Variants in SH3KBP1 observed in about 807,000 individuals in gnomAD.
The protein encoded by SH3KBP1 is SH3 domain-containing kinase-binding protein 1.
SH3KBP1 carries 8 observed loss-of-function variants against 50.1 expected under a neutral mutation model. The observed-to-expected ratio is 0.16, with a 90% CI of 0.09 to 0.29. SH3KBP1 has a LOEUF of 0.29. Among genes scored for constraint, SH3KBP1 ranks in the 10% least tolerant of loss-of-function variants. The pLI is 1.00. For synonymous variants in SH3KBP1, 227 were observed against 218.6 expected (o/e 1.04, Z -0.34); for missense variants, 377 against 535.2 (o/e 0.70, Z 2.92).
intron 6 of SH3KBP1, among the ~76,000 whole-genome samples, chrX:19,664,403 A>G (rs1439133626): frequency 1.8e-5 from 2 of 111,150 alleles, no homozygotes; most frequent in African/African-American, 3.3e-5. Flanking sequence ...CTGCTGCTCT[A>G]TGGCCCCATA....
chrX:19,755,939 C>T (rs771449664), intron 2 of SH3KBP1, among the ~76,000 whole-genome samples: 5 of 111,655 alleles, frequency 4.5e-5, no homozygotes, highest in Non-Finnish European at 7.5e-5. Context: ...CCCTCTCACG[C>T]AGACCCCCTT....
intron 3 of SH3KBP1, among the ~76,000 whole-genome samples, chrX:19,728,658 G>C (rs1268888929): frequency 8.9e-6 from 1 of 111,969 alleles, no homozygotes; most frequent in African/African-American, 3.2e-5. Context: ...ATGGTACACA[G>C]ACTGGACCCC....
At position 19,638,873 on chromosome X, in the gene SH3KBP1, T is replaced by C. The variant is rs375896789; in HGVS notation, c.802+6527A>G. ...TCCACTGCATGCCAGGCAGCAGGGATGCCACAATGCCCTCGTGGGGCTTAC... is the reference window on the plus strand; with the variant it reads ...TCCACTGCATGCCAGGCAGCAGGGACGCCACAATGCCCTCGTGGGGCTTAC... On this transcript the variant is annotated intron_variant, in intron 7 of 17. Coordinates refer to ENST00000397821, the MANE Select transcript of SH3KBP1 (RefSeq NM_031892.3). Among the ~76,000 whole-genome samples the C allele has an allele frequency of 7.3e-4, 82 of 112,101 alleles. 1 individual carries two copies. The South Asian group carries it at 0.029, about 40-fold the overall frequency.
chrX:19,626,958 T>A (rs973352047), intron 8 of SH3KBP1, among the ~76,000 whole-genome samples: 2 of 111,438 alleles, frequency 1.8e-5, no homozygotes, highest in African/African-American at 6.5e-5. Flanking sequence ...CTTCCCTCCA[T>A]CTCTACGACT....
chrX:19,580,271 TAC>T (rs1265834222), intron 12 of SH3KBP1, among the ~76,000 whole-genome samples: 1 of 111,634 alleles, frequency 9.0e-6, no homozygotes, highest in Non-Finnish European at 1.9e-5. Flanking sequence ...TACATACACA[TAC>T]ACACATATAC....
intron 9 of SH3KBP1, among the ~76,000 whole-genome samples, chrX:19,604,557 C>A (rs769855377): frequency 5.3e-5 from 6 of 112,163 alleles, no homozygotes; most frequent in Admixed American, 9.5e-5. Flanking sequence ...ATGATTGTAA[C>A]CCCAGTCACT....
chrX:19,632,700 A>G (rs1348527398), intron 7 of SH3KBP1, among the ~76,000 whole-genome samples: 1 of 112,966 alleles, frequency 8.9e-6, no homozygotes, highest in East Asian at 2.8e-4. Flanking sequence ...GTCCTGAATT[A>G]CATGCTTTTG....
At chrX:19,668,965 TATATATA>T (rs1569404997) in intron 6 of SH3KBP1, among the ~76,000 whole-genome samples, 11 of 53,684 alleles carry the variant, frequency 2.0e-4, no homozygotes, top group African/African-American at 1.1e-3. Flanking sequence ...TATATATATA[TATATATA>T]TATTTTTTGA....
At chrX:19,874,448 G>T (rs1398075765) in intron 1 of SH3KBP1, among the ~76,000 whole-genome samples, 2 of 19,456 alleles carry the variant, frequency 1.0e-4, no homozygotes, top group Non-Finnish European at 1.7e-4. Context: ...GGGGCAAAGT[G>T]GGGGGGTGTG....
At chrX:19,848,466 T>C (rs2068419433) in intron 1 of SH3KBP1, among the ~76,000 whole-genome samples, 1 of 112,873 alleles carries the variant, frequency 8.9e-6, no homozygotes, top group Non-Finnish European at 1.9e-5. Flanking sequence ...ATTAATTTGA[T>C]GTCTCATATG....
At chrX:19,715,821 T>C (rs1261553710) in intron 3 of SH3KBP1, among the ~76,000 whole-genome samples, 1 of 111,908 alleles carries the variant, frequency 8.9e-6, no homozygotes, top group Admixed American at 9.5e-5. Flanking sequence ...TTGCAGTAAG[T>C]AGTTTCTAGC....
At chrX:19,626,989 G>A (rs73459609) in intron 8 of SH3KBP1, among the ~76,000 whole-genome samples, 159 of 111,747 alleles carry the variant, frequency 1.4e-3, no homozygotes, top group African/African-American at 4.7e-3. Context: ...GACCAATAAC[G>A]TTAGCTTTCT....
intron 2 of SH3KBP1, among the ~76,000 whole-genome samples, chrX:19,819,586 G>A (rs1451585766): frequency 1.8e-5 from 2 of 111,201 alleles, no homozygotes; most frequent in South Asian, 7.6e-4. Context: ...CTGGGCTCAA[G>A]TGATCCTCCC....
chrX:19,540,714 T>C, intron 16 of SH3KBP1, among the ~76,000 whole-genome samples: 1 of 111,713 alleles, frequency 9.0e-6, no homozygotes, highest in Middle Eastern at 4.6e-3. Flanking sequence ...GGGGATGTGT[T>C]GACCTCACCA....
At chrX:19,817,116 C>T (rs1276172353) in intron 2 of SH3KBP1, among the ~76,000 whole-genome samples, 2 of 111,546 alleles carry the variant, frequency 1.8e-5, no homozygotes, top group Admixed American at 9.5e-5. Context: ...TTCTCTAGTC[C>T]GTTCCTTTAT....
chrX:19,593,284 A>G (rs771820768), intron 10 of SH3KBP1, among the ~76,000 whole-genome samples: 1 of 111,668 alleles, frequency 9.0e-6, no homozygotes, highest in East Asian at 2.8e-4. Context: ...TTGGTACTAG[A>G]AATCTCAATT....
At chrX:19,630,263 T>C (rs1392956504) in intron 8 of SH3KBP1, among the ~76,000 whole-genome samples, 1 of 111,960 alleles carries the variant, frequency 8.9e-6, no homozygotes, top group Non-Finnish European at 1.9e-5. Flanking sequence ...TATTTAATTC[T>C]CTGGTTGCTT....
At chrX:19,556,356 C>G (rs1258970237) in intron 13 of SH3KBP1, among the ~76,000 whole-genome samples, 2 of 109,422 alleles carry the variant, frequency 1.8e-5, no homozygotes, top group Non-Finnish European at 3.8e-5. Context: ...GGTACTTTCT[C>G]CGCATTGCAG....
chrX:19,610,688 C>T (rs779440289), intron 8 of SH3KBP1, among the ~76,000 whole-genome samples: 24 of 111,405 alleles, frequency 2.2e-4, no homozygotes, highest in African/African-American at 7.5e-4. Flanking sequence ...TACAATATTA[C>T]GCAAGGTCCT....
Sources: gnomAD v4.1 joint callset for allele counts (sites outside exome capture counted in the v4.1 genomes callset) on GRCh38, gnomAD v4.1.1 for gene constraint, MANE v1.5 for transcripts, NCBI Gene and HGNC (gene_info 2026-07-23, HGNC 2026-07-21) for gene names.